PGBD5: variants seen among roughly 807,000 people sequenced by gnomAD.
PGBD5 encodes the protein piggyBac transposable element-derived protein 5.
PGBD5 carries 14 observed loss-of-function variants against 47.9 expected under a neutral mutation model. The observed-to-expected ratio is 0.29, with a 90% CI of 0.19 to 0.46. The LOEUF (loss-of-function observed/expected upper bound fraction) is 0.46. PGBD5 is among the 20% of genes least tolerant of loss of function. The pLI is 1.00. For synonymous variants in PGBD5, 316 were observed against 306.3 expected, an observed-to-expected ratio of 1.03 and a Z score of -0.33; for missense variants, 635 against 716.0, an observed-to-expected ratio of 0.89 and a Z score of 1.29.
At chr1:230,413,544 CA>C (rs1272410397) in intron 1 of PGBD5, among the ~76,000 whole-genome samples, 1 of 152,076 alleles carries the variant, frequency 6.6e-6, no homozygotes, top group African/African-American at 2.4e-5. Context: ...TGTGCAAAAA[CA>C]GACAAGATTA....
chr1:230,423,159 TGCA>T (rs1192104362), intron 1 of PGBD5, among the ~76,000 whole-genome samples: 1 of 152,210 alleles, frequency 6.6e-6, no homozygotes, highest in Non-Finnish European at 1.5e-5. Context: ...TTTTTACAGT[TGCA>T]GCAAGGCAGG....
At chr1:230,403,802 A>C (rs1216211917) in intron 1 of PGBD5, among the ~76,000 whole-genome samples, 1 of 152,234 alleles carries the variant, frequency 6.6e-6, no homozygotes, top group African/African-American at 2.4e-5. Flanking sequence ...ACGAAGAGTG[A>C]TAACCCCTTC....
intron 1 of PGBD5, among the ~76,000 whole-genome samples, chr1:230,411,369 C>T (rs552022597): frequency 5.0e-4 from 76 of 152,142 alleles, no homozygotes; most frequent in Non-Finnish European, 7.1e-4. Context: ...AAAGCAAACG[C>T]AGTAGAAATT....
In PGBD5 at chr1:230,322,451, G is replaced by A. The variant is rs1558188700; in HGVS notation, c.*974C>T. The A allele has an allele frequency of 6.6e-6, 1 of 152,346 alleles. No homozygotes were observed. Among genetic ancestry groups the A allele is most frequent in the Non-Finnish European group, 1.5e-5 (1 of 68,046 alleles). The allele number at this position is 152,346 out of a possible 1,614,324, so 9.4% of individuals were successfully genotyped here. On this transcript the variant is annotated 3_prime_UTR_variant, in exon 7 of 7. Coordinates refer to ENST00000391860, the MANE Select transcript of PGBD5 (RefSeq NM_001258311.2). The surrounding 1 kb of genome is among the most constrained non-coding windows in gnomAD (Gnocchi z 5.9). ...GCCATCGTAGAGAATTCGGTTGTGT[G>A]TTTCAGCAATGCTACTTATTTTTCA...
intron 1 of PGBD5, among the ~76,000 whole-genome samples, chr1:230,368,547 GA>G (rs1479922329): frequency 6.6e-6 from 1 of 151,834 alleles, no homozygotes; most frequent in Non-Finnish European, 1.5e-5. Flanking sequence ...CGGAGTGAGT[GA>G]ATGAGTGGGG....
intron 1 of PGBD5, among the ~76,000 whole-genome samples, chr1:230,380,245 G>A (rs1230245037): frequency 6.6e-6 from 1 of 152,216 alleles, no homozygotes; most frequent in Non-Finnish European, 1.5e-5. Flanking sequence ...AGAAAACAAA[G>A]CCCTGTGTGG....
Position 230,425,547 on chromosome 1 carries a change from G to A in PGBD5, c.331+51C>T. ...CCGCCCCAGCACCCACGCCTCCCCC[G>A]CGCCCGGTTCCAGCGCCGCCCCCGA... is the stretch of plus-strand genomic sequence containing the variant. On this transcript the variant is annotated intron_variant, in intron 1 of 6. Transcript: ENST00000391860. The surrounding 1 kb of genome is among the most constrained non-coding windows in gnomAD (Gnocchi z 4.7). 1.7e-6 allele frequency: 2 copies of A among 1,198,014 alleles called. No homozygotes were observed. Among genetic ancestry groups the A allele is most frequent in the African/African-American group, 1.6e-5 (1 of 63,356 alleles). 74.2% of individuals were successfully genotyped at this position (1,198,014 alleles called of 1,614,324 possible).
intron 1 of PGBD5, among the ~76,000 whole-genome samples, chr1:230,358,850 T>C (rs541347151): frequency 1.2e-4 from 18 of 152,354 alleles, no homozygotes; most frequent in African/African-American, 4.3e-4. Flanking sequence ...TTTGTATAAG[T>C]ATACTGCATG....
chr1:230,330,328 G>A (rs1011848779), intron 5 of PGBD5, among the ~76,000 whole-genome samples: 3 of 152,192 alleles, frequency 2.0e-5, no homozygotes, highest in East Asian at 1.9e-4. Flanking sequence ...CCTTGACATC[G>A]TCCCACCCTT....
intron 3 of PGBD5, among the ~76,000 whole-genome samples, chr1:230,338,405 G>A (rs1667359607): frequency 6.6e-6 from 1 of 152,216 alleles, no homozygotes; most frequent in Admixed American, 6.5e-5. Flanking sequence ...ACGGCTGCAG[G>A]ACTGAGGTCC....
intron 1 of PGBD5, chr1:230,377,590 A>G: frequency 1.3e-6 from 2 of 1,586,556 alleles, no homozygotes; most frequent in South Asian, 1.2e-5. Flanking sequence ...AGTACTTTGC[A>G]CGAAGAGAGC....
At chr1:230,412,890 AAT>A (rs1190356951) in intron 1 of PGBD5, among the ~76,000 whole-genome samples, 1 of 152,178 alleles carries the variant, frequency 6.6e-6, no homozygotes, top group East Asian at 1.9e-4. Flanking sequence ...GATTGCATGC[AAT>A]ATCACAACGA....
At chr1:230,414,556 A>G (rs1036801562) in intron 1 of PGBD5, among the ~76,000 whole-genome samples, 1 of 152,236 alleles carries the variant, frequency 6.6e-6, no homozygotes, top group African/African-American at 2.4e-5. Context: ...TCGATCTTAA[A>G]GAAAAACAAC....
chr1:230,401,081 C>T (rs776999484), intron 1 of PGBD5, among the ~76,000 whole-genome samples: 67 of 152,230 alleles, frequency 4.4e-4, no homozygotes, highest in Non-Finnish European at 7.3e-4. Flanking sequence ...TTCACTGTCC[C>T]TCCCACCTGA....
intron 2 of PGBD5, among the ~76,000 whole-genome samples, chr1:230,355,765 C>T (rs953092219): frequency 1.3e-5 from 2 of 152,164 alleles, no homozygotes; most frequent in Admixed American, 1.3e-4. Context: ...ATTTGCAAGG[C>T]AGAGAGAAGA....
At chr1:230,413,852 T>C (rs1158226261) in intron 1 of PGBD5, among the ~76,000 whole-genome samples, 1 of 152,200 alleles carries the variant, frequency 6.6e-6, no homozygotes, top group Non-Finnish European at 1.5e-5. Flanking sequence ...CTCTGCTTCT[T>C]ATCAATCCCC....
In PGBD5 at chr1:230,323,404, C is replaced by A; in HGVS notation, c.*21G>T. The A allele has an allele frequency of 6.2e-7, 1 of 1,605,966 alleles. No homozygotes were observed. Among genetic ancestry groups the A allele is most frequent in the Non-Finnish European group, 8.5e-7 (1 of 1,176,020 alleles). On this transcript the variant is annotated 3_prime_UTR_variant, in exon 7 of 7. Coordinates refer to ENST00000391860, the MANE Select transcript of PGBD5 (RefSeq NM_001258311.2). This position sits in a 1 kb window ranked among gnomAD's most constrained non-coding sequence, Gnocchi z 4.1. ...CCTCCTCCTCTTGCCCCTCCCTTGACCGAGTCCTGCGCCCCCAGCATCAGT... is the reference window on the plus strand; with the variant it reads ...CCTCCTCCTCTTGCCCCTCCCTTGAACGAGTCCTGCGCCCCCAGCATCAGT...
chr1:230,331,816 T>C (rs1338760752), intron 5 of PGBD5, among the ~76,000 whole-genome samples: 1 of 151,890 alleles, frequency 6.6e-6, no homozygotes, highest in African/African-American at 2.4e-5. Context: ...CAACTGATCC[T>C]AGACACAGCA....
intron 2 of PGBD5, among the ~76,000 whole-genome samples, chr1:230,351,925 T>C (rs1011999008): frequency 1.3e-5 from 2 of 152,174 alleles, no homozygotes; most frequent in African/African-American, 4.8e-5. Context: ...TGGCCACAGA[T>C]CTGCTTCTTC....
Sources: allele counts gnomAD v4.1 joint callset (sites outside exome capture counted in the v4.1 genomes callset), GRCh38; gene constraint gnomAD v4.1.1; non-coding constraint Gnocchi (gnomAD v3.1); transcripts MANE v1.5; gene names NCBI Gene and HGNC (gene_info 2026-07-23, HGNC 2026-07-21).